Variants in ACLY observed in about 807,000 individuals in gnomAD.
ACLY encodes the protein ATP-citrate synthase.
A neutral mutation model predicts 133.0 loss-of-function variants in ACLY; 41 were observed. The observed-to-expected ratio is 0.31, with a 90% CI of 0.24 to 0.40. The LOEUF (loss-of-function observed/expected upper bound fraction) is 0.40. Among genes scored for constraint, ACLY ranks in the 10% least tolerant of loss-of-function variants. The pLI is 1.00. For missense variants in ACLY, 1,046 were observed against 1,453.8 expected (o/e 0.72, Z 4.56); for synonymous variants, 495 against 549.3 (o/e 0.90, Z 1.38).
In ACLY at chr17:41,912,468, C is replaced by T. The variant is rs1360702968; in HGVS notation, c.234G>A (p.Leu78=). The T allele has an allele frequency of 1.2e-6, 2 of 1,614,114 alleles. No individual in the cohort carries two copies. Among genetic ancestry groups the T allele is most frequent in the Non-Finnish European group, 1.7e-6 (2 of 1,180,038 alleles). ...GCTTCAGCCAGGACTTGACCCCATC[C>T]AGAGTGAGGTTGACCCCAACGAGAC... ...KLGLVGVNLT[L]DGVKSWLKPR... Residue 78 remains leucine (L), a synonymous_variant, in exon 3 of 29, where the codon CTG becomes CTA. Coordinates refer to ENST00000352035, the MANE Select transcript of ACLY (RefSeq NM_001096.3).
intron 1 of ACLY, among the ~76,000 whole-genome samples, chr17:41,916,243 T>C (rs938124308): frequency 6.6e-6 from 1 of 152,106 alleles, no homozygotes. Flanking sequence ...GTATACAACA[T>C]AATAAAAATA....
chr17:41,901,807 C>T lies in ACLY; in HGVS notation c.1072G>A (p.Val358Met), dbSNP rs2049548997. The change falls in exon 11 of 29, where the codon GTG becomes ATG. Residue 358 changes from valine (V) to methionine (M), a missense_variant. Val to Met is a conservative substitution (Grantham distance 21). Coordinates refer to ENST00000352035, the MANE Select transcript of ACLY (RefSeq NM_001096.3). ...TNVAATFKGI[V>M]RAIRDYQGPL... The stretch of plus-strand genomic sequence containing the variant: ...CCCTGGTAATCTCGAATTGCTCTCA[C>T]GATGCCCTGGAAGCCCAAAGTGACA... The T allele has an allele frequency of 6.4e-7, 1 of 1,574,684 alleles. No homozygotes were observed. Among genetic ancestry groups the T allele is most frequent in the Non-Finnish European group, 8.6e-7 (1 of 1,157,428 alleles).
At chr17:41,879,081 A>G (rs1390299180) in intron 20 of ACLY, among the ~76,000 whole-genome samples, 157 bp from the exon 21 acceptor site, 1 of 152,176 alleles carries the variant, frequency 6.6e-6, no homozygotes, top group Non-Finnish European at 1.5e-5. Context: ...TTTACAGACA[A>G]GGAAACCAAA....
At chr17:41,914,017 A>C in intron 1 of ACLY, 121 bp from the exon 2 acceptor site, 3 of 960,206 alleles carry the variant, frequency 3.1e-6, no homozygotes, top group African/African-American at 1.6e-5. Context: ...AGCTTTTCTC[A>C]AGAGGAAGGA....
chr17:41,897,887 GA>G, intron 12 of ACLY, 48 bp from the exon 13 acceptor site: 2 of 1,537,450 alleles, frequency 1.3e-6, no homozygotes, highest in Admixed American at 2.1e-5. Flanking sequence ...TCACACCTGG[GA>G]AAAAAGCCAC....
chr17:41,888,711 C>T (rs2049119225), intron 16 of ACLY, among the ~76,000 whole-genome samples: 1 of 151,734 alleles, frequency 6.6e-6, no homozygotes, highest in South Asian at 2.1e-4. Flanking sequence ...CACAGGGAGA[C>T]CCGGTAGGAG....
At chr17:41,927,267 T>C (rs1338141110) in intron 1 of ACLY, among the ~76,000 whole-genome samples, 4 of 152,222 alleles carry the variant, frequency 2.6e-5, no homozygotes, top group Admixed American at 1.3e-4. Context: ...CTGTACTCCT[T>C]TGTAATCTAC....
intron 22 of ACLY, among the ~76,000 whole-genome samples, chr17:41,875,374 G>A (rs1488265359): frequency 2.7e-5 from 4 of 147,404 alleles, no homozygotes; most frequent in Admixed American, 6.7e-5. Context: ...AAGGGGGGAC[G>A]AGATACGTGG....
Position 41,893,066 on chromosome 17 carries a change from T to C in ACLY, c.1568A>G (p.Glu523Gly), listed in dbSNP as rs2049259783. The C allele has an allele frequency of 6.2e-7, 1 of 1,614,044 alleles. No homozygotes were observed. Among genetic ancestry groups the C allele is most frequent in the East Asian group, 2.2e-5 (1 of 44,878 alleles). ...LDFDYVCSRD[E>G]PSVAAMVYPF... ...GTAGACCATGGCAGCCACTGAGGGC[T>C]CGTCTCGGGAGCAGACATAGTCAAA... The change falls in exon 15 of 29, where the codon GAG becomes GGG. Residue 523 changes from glutamate to glycine, a missense_variant. Around this residue, in one of 4 missense-constraint regions of ACLY, gnomAD observed 575 missense variants for 804.2 expected, o/e 0.71. Transcript: ENST00000352035.
intron 16 of ACLY, among the ~76,000 whole-genome samples, chr17:41,888,221 G>A (rs1348815256): frequency 6.6e-6 from 1 of 152,182 alleles, no homozygotes; most frequent in African/African-American, 2.4e-5. Flanking sequence ...ACCATCTCCT[G>A]AAAACACAAG....
At chr17:41,891,960 T>C (rs533687894) in intron 16 of ACLY, among the ~76,000 whole-genome samples, 12 of 152,236 alleles carry the variant, frequency 7.9e-5, no homozygotes, top group South Asian at 2.1e-4. Context: ...GCCTCTGCCT[T>C]CCAAAGTCCT....
Position 41,871,769 on chromosome 17 carries a change from C to G in ACLY, c.2857G>C (p.Gly953Arg). The change falls in exon 25 of 29, where the codon GGC (glycine) becomes CGC (arginine). Residue 953 changes from glycine (G) to arginine (R), a missense_variant. Around this residue, in one of 4 missense-constraint regions of ACLY, gnomAD observed 205 missense variants for 373.3 expected, o/e 0.55. Coordinates refer to ENST00000352035, the MANE Select transcript of ACLY (RefSeq NM_001096.3). Reference protein sequence around the residue: ...AKMFSKAFDSGIIPMEFVNKM... With the variant: ...AKMFSKAFDSRIIPMEFVNKM... ...TTCACAAACTCCATGGGGATAATGCCACTGTCAAAGGCTTTACTGAACATC... is the reference window on the plus strand; with the variant it reads ...TTCACAAACTCCATGGGGATAATGCGACTGTCAAAGGCTTTACTGAACATC... 6.2e-7 allele frequency: 1 copy of G among 1,614,036 alleles called. No individual in the cohort carries two copies. The highest frequency in any genetic ancestry group is 2.2e-5 in the East Asian group (1 of 44,876).
At chr17:41,910,434 T>C in intron 3 of ACLY, 150 bp from the exon 4 acceptor site, 1 of 661,670 alleles carries the variant, frequency 1.5e-6, no homozygotes, top group South Asian at 1.8e-5. Context: ...GGGTCACAGA[T>C]CCCTAAGCTC....
In ACLY at chr17:41,893,163, T is replaced by C. The variant is rs781837455; in HGVS notation, c.1471A>G (p.Thr491Ala). 5.0e-6 allele frequency: 8 copies of C among 1,612,036 alleles called. No individual in the cohort carries two copies. Among genetic ancestry groups the C allele is most frequent in the East Asian group, 2.2e-5 (1 of 44,812 alleles). ...SPRSLQGKST[T>A]LFSRHTKAIV... ...GCCTTGGTGTGGCGGCTGAAGAGGGTGGTGCTCTTTCCTGGTGGGCAAAGA... is the reference window on the plus strand; with the variant it reads ...GCCTTGGTGTGGCGGCTGAAGAGGGCGGTGCTCTTTCCTGGTGGGCAAAGA... The change falls in exon 15 of 29, where the codon ACC (threonine) becomes GCC (alanine). Residue 491 changes from threonine to alanine, a missense_variant. By Grantham distance (58) the Thr-to-Ala change is moderately conservative. Around this residue, in one of 4 missense-constraint regions of ACLY, gnomAD observed 575 missense variants for 804.2 expected, o/e 0.71. Transcript: ENST00000352035.
intron 8 of ACLY, 78 bp downstream of exon 8, chr17:41,906,450 C>T (rs1442439871): frequency 1.5e-6 from 2 of 1,300,032 alleles, no homozygotes; most frequent in East Asian, 2.3e-5. Flanking sequence ...AGTGACAGGA[C>T]CCCACCCACC....
At chr17:41,901,959 G>A (rs3816122) in intron 10 of ACLY, 146 bp from the exon 11 acceptor site, 468,828 of 617,570 alleles carry the variant, frequency 0.76, 179,792 homozygotes, top group Admixed American at 0.86. Context: ...CACGGCCTGG[G>A]ATATGATCAC....
chr17:41,910,472 C>T (rs2049869325), intron 3 of ACLY, among the ~76,000 whole-genome samples, 188 bp from the exon 4 acceptor site: 1 of 152,248 alleles, frequency 6.6e-6, no homozygotes, highest in South Asian at 2.1e-4. Context: ...TGCCCTTTCA[C>T]CCCTTGCTCT....
chr17:41,887,717 A>G lies in ACLY; in HGVS notation c.1771-14T>C, dbSNP rs1555628530. 5 of 1,611,056 alleles carry G rather than the reference A, an allele frequency of 3.1e-6. No homozygotes were observed. In the African/African-American group the frequency reaches 5.3e-5, roughly 17 times the overall value. Reference sequence around the variant, plus strand: ...GATGGTCCGGATCTAGAGGATGACAAAAGTCCCTTCCTGTTAACTCTCTGC... The same window carrying G: ...GATGGTCCGGATCTAGAGGATGACAGAAGTCCCTTCCTGTTAACTCTCTGC... On this transcript the variant is annotated splice_polypyrimidine_tract_variant and intron_variant, in intron 16 of 28. Transcript: ENST00000352035.
chr17:41,876,509 T>C (rs1555626215), intron 22 of ACLY, among the ~76,000 whole-genome samples: 1 of 152,242 alleles, frequency 6.6e-6, no homozygotes, highest in Non-Finnish European at 1.5e-5. Flanking sequence ...AATTGGATGG[T>C]TGCCGTGTCT....
Sources: allele counts gnomAD v4.1 joint callset (sites outside exome capture counted in the v4.1 genomes callset), GRCh38; gene constraint gnomAD v4.1.1; regional missense constraint gnomAD v4.1.1; transcripts MANE v1.5; gene names NCBI Gene and HGNC (gene_info 2026-07-23, HGNC 2026-07-21).